Variants in ARFGEF2 observed in about 807,000 individuals in gnomAD.
ARFGEF2 encodes the protein brefeldin A-inhibited guanine nucleotide-exchange protein 2.
A neutral mutation model predicts 219.9 loss-of-function variants in ARFGEF2; 74 were observed. The ratio of observed to expected loss-of-function variants is 0.34; its 90% CI spans 0.28 to 0.41. The LOEUF (loss-of-function observed/expected upper bound fraction) is 0.41. Among genes scored for constraint, ARFGEF2 ranks in the 10% least tolerant of loss-of-function variants. The probability of loss-of-function intolerance (pLI) is 1.00; values close to 1 mark genes in which losing one functional copy is unlikely to be tolerated. For synonymous variants in ARFGEF2, 733 were observed against 799.2 expected (o/e 0.92, Z 1.40); for missense variants, 1,743 against 2,218.3 (o/e 0.79, Z 4.30).
chr20:48,974,703 C>T (rs2091250163), intron 12 of ARFGEF2, 63 bp from the exon 13 acceptor site: 16 of 1,357,596 alleles, frequency 1.2e-5, no homozygotes, highest in Middle Eastern at 2.1e-4. Context: ...CAGAAAGCCT[C>T]GTAGATGTCT....
At chr20:49,022,629 T>A (rs900870361) in intron 34 of ARFGEF2, among the ~76,000 whole-genome samples, 1 of 152,228 alleles carries the variant, frequency 6.6e-6, no homozygotes, top group Non-Finnish European at 1.5e-5. Context: ...AAATGTCACA[T>A]TTTTATAGAG....
chr20:49,019,531 A>G (rs554871328), intron 34 of ARFGEF2, among the ~76,000 whole-genome samples: 3 of 152,358 alleles, frequency 2.0e-5, no homozygotes, highest in Admixed American at 6.5e-5. Flanking sequence ...TGTTAGGAGC[A>G]ATACTGCATT....
At chr20:48,933,112 G>A (rs1173560601) in intron 1 of ARFGEF2, among the ~76,000 whole-genome samples, 4 of 152,170 alleles carry the variant, frequency 2.6e-5, no homozygotes, top group Non-Finnish European at 4.4e-5. Flanking sequence ...AGGATTTCCC[G>A]CAAAGACAGC....
At chr20:48,927,020 A>C (rs1049709471) in intron 1 of ARFGEF2, among the ~76,000 whole-genome samples, 2 of 152,170 alleles carry the variant, frequency 1.3e-5, no homozygotes, top group Non-Finnish European at 2.9e-5. Flanking sequence ...CCAGACTGGC[A>C]TGGGTTGAGG....
chr20:49,028,757 A>T (rs1204262807), intron 37 of ARFGEF2, 89 bp downstream of exon 37: 2 of 1,446,556 alleles, frequency 1.4e-6, no homozygotes, highest in Non-Finnish European at 1.9e-6. Context: ...GTAAGAGAAA[A>T]ATACATGCTG....
intron 3 of ARFGEF2, among the ~76,000 whole-genome samples, chr20:48,946,388 C>T (rs1244872708): frequency 1.3e-5 from 2 of 152,040 alleles, no homozygotes; most frequent in East Asian, 1.9e-4. Flanking sequence ...CACGCTTCCC[C>T]GCAGCCAGGG....
At chr20:48,995,663 G>T in intron 22 of ARFGEF2, 120 bp from the exon 23 acceptor site, 1 of 890,580 alleles carries the variant, frequency 1.1e-6, no homozygotes, top group Non-Finnish European at 1.9e-6. Context: ...TTTCTTTTTT[G>T]AACTTGCAGA....
intron 25 of ARFGEF2, among the ~76,000 whole-genome samples, chr20:49,000,325 C>T (rs2091417864): frequency 1.3e-5 from 2 of 152,138 alleles, no homozygotes; most frequent in Non-Finnish European, 1.5e-5. Context: ...CAGATGAGAC[C>T]CCTGCCTGCA....
chr20:49,017,409 C>G (rs1433091728), intron 32 of ARFGEF2, 22 bp downstream of exon 32: 2 of 1,613,764 alleles, frequency 1.2e-6, no homozygotes, highest in African/African-American at 1.3e-5. Context: ...TGCAGTTGTT[C>G]CCGTTTATCT....
chr20:48,943,003 G>T (rs2091003496), intron 3 of ARFGEF2, among the ~76,000 whole-genome samples: 2 of 152,168 alleles, frequency 1.3e-5, no homozygotes, highest in African/African-American at 4.8e-5. Flanking sequence ...CATAATTTCT[G>T]TGTGAGGCAC....
At chr20:49,012,173 C>A in intron 28 of ARFGEF2, 89 bp downstream of exon 28, 1 of 1,555,696 alleles carries the variant, frequency 6.4e-7, no homozygotes, top group South Asian at 1.1e-5. Flanking sequence ...AGCTTTCCAG[C>A]TACTCTTTTA....
At chr20:49,021,844 C>CAAAAA (rs71337480) in intron 34 of ARFGEF2, among the ~76,000 whole-genome samples, 7 of 110,182 alleles carry the variant, frequency 6.4e-5, no homozygotes, top group African/African-American at 1.7e-4. Flanking sequence ...GACTCTGTCT[C>CAAAAA]AAAAAAAAAA....
chr20:49,022,498 C>T (rs1347969610), intron 34 of ARFGEF2, among the ~76,000 whole-genome samples: 3 of 152,114 alleles, frequency 2.0e-5, no homozygotes, highest in Non-Finnish European at 4.4e-5. Context: ...CTGAAACGTC[C>T]TCTGGTTAGG....
intron 34 of ARFGEF2, among the ~76,000 whole-genome samples, chr20:49,020,142 C>T (rs1220723390): frequency 6.6e-6 from 1 of 152,094 alleles, no homozygotes; most frequent in Non-Finnish European, 1.5e-5. Flanking sequence ...TTTTGGCAGC[C>T]TGAGGAATGG....
At position 49,012,017 on chromosome 20, in the gene ARFGEF2, C is replaced by T; in HGVS notation, c.3851C>T (p.Pro1284Leu). 6.2e-7 allele frequency: 1 copy of T among 1,614,242 alleles called. No homozygotes were observed. Among genetic ancestry groups the T allele is most frequent in the Non-Finnish European group, 8.5e-7 (1 of 1,180,054 alleles). ...GAGTTCGCCTGCAACGCCGCTTTCCCTGACACGAGCATGGAAGCGATTCGG... is the reference window on the plus strand; with the variant it reads ...GAGTTCGCCTGCAACGCCGCTTTCCTTGACACGAGCATGGAAGCGATTCGG... ...LSEFACNAAFPDTSMEAIRLI... is the reference protein window; with the variant it reads ...LSEFACNAAFLDTSMEAIRLI... The change falls in exon 28 of 39, where the codon CCT becomes CTT. Residue 1284 changes from proline to leucine, a missense_variant. Physicochemically the swap from Pro to Leu is moderately conservative, Grantham distance 98 (BLOSUM62 -3). Around this residue, in one of 5 missense-constraint regions of ARFGEF2, gnomAD observed 578 missense variants for 664.0 expected, o/e 0.87. Coordinates refer to ENST00000371917, the MANE Select transcript of ARFGEF2 (RefSeq NM_006420.3).
chr20:48,988,583 C>T lies in ARFGEF2; in HGVS notation c.2454C>T (p.Ile818=), dbSNP rs765065112. The stretch of plus-strand genomic sequence containing the variant: ...TGCCAGAAGAGTATCTCTCAAGCAT[C>T]TATGAAGAGATAGAAGGCAAGAAAA... ...KDLPEEYLSS[I]YEEIEGKKIA... The change falls in exon 18 of 39, where the codon ATC becomes ATT. Residue 818 remains isoleucine, a synonymous_variant. Coordinates refer to ENST00000371917, the MANE Select transcript of ARFGEF2 (RefSeq NM_006420.3). The T allele has an allele frequency of 6.2e-7, 1 of 1,613,248 alleles. No individual in the cohort carries two copies. Among genetic ancestry groups the T allele is most frequent in the Non-Finnish European group, 8.5e-7 (1 of 1,179,460 alleles).
Position 49,023,110 on chromosome 20 carries a change from A to G in ARFGEF2, c.4684A>G (p.Thr1562Ala), listed in dbSNP as rs777068717. ...KCVVQLELIQ[T>A]IDNIVFYPAT... is the part of the protein sequence containing the mutation. ...TGTGGTCCAGTTGGAATTGATACAG[A>G]CCATTGACAACATTGTGTTCTACCC... is the stretch of plus-strand genomic sequence containing the variant. The change falls in exon 35 of 39, where the codon ACC (threonine) becomes GCC (alanine). Residue 1562 changes from threonine (T) to alanine (A), a missense_variant. Thr to Ala is a moderately conservative substitution (Grantham distance 58, BLOSUM62 0). Transcript: ENST00000371917. 1 of 1,614,216 alleles carries G rather than the reference A, an allele frequency of 6.2e-7. No homozygotes were observed. Among genetic ancestry groups the G allele is most frequent in the African/African-American group, 1.3e-5 (1 of 75,050 alleles).
At chr20:49,004,298 A>T (rs542814578) in intron 25 of ARFGEF2, among the ~76,000 whole-genome samples, 1 of 151,972 alleles carries the variant, frequency 6.6e-6, no homozygotes, top group South Asian at 2.1e-4. Flanking sequence ...CAGGAGGTGG[A>T]GGTTGCCAGC....
intron 4 of ARFGEF2, among the ~76,000 whole-genome samples, chr20:48,951,841 C>A (rs539755950): frequency 6.6e-6 from 1 of 152,112 alleles, no homozygotes; most frequent in Non-Finnish European, 1.5e-5. Context: ...TTTCTGCTGC[C>A]AGGAATGGTT....
Sources: allele counts gnomAD v4.1 joint callset (sites outside exome capture counted in the v4.1 genomes callset), GRCh38; gene constraint gnomAD v4.1.1; regional missense constraint gnomAD v4.1.1; transcripts MANE v1.5; gene names NCBI Gene and HGNC (gene_info 2026-07-23, HGNC 2026-07-21).